The following PRPH2 variants were observed in gnomAD, a reference collection of about 807,000 sequenced individuals.
PRPH2 encodes peripherin 2.
A neutral mutation model predicts 31.3 loss-of-function variants in PRPH2; 17 were observed. That is an observed-to-expected ratio of 0.54 (90% CI 0.37 to 0.81). The LOEUF is 0.81. Among genes scored for constraint, PRPH2 ranks in the 40% least tolerant of loss-of-function variants. The pLI is 0.00. For missense variants in PRPH2, 430 were observed against 439.7 expected, an observed-to-expected ratio of 0.98 and a Z score of 0.20; for synonymous variants, 165 against 184.4, an observed-to-expected ratio of 0.89 and a Z score of 0.85.
intron 1 of PRPH2, chr6:42,712,030 T>G: frequency 5.3e-6 from 5 of 947,818 alleles, no homozygotes; most frequent in Non-Finnish European, 6.3e-6. Context: ...GTAGGAAATG[T>G]TCTTGCCACA....
At chr6:42,703,811 A>C (rs941228043) in intron 2 of PRPH2, among the ~76,000 whole-genome samples, 3 of 152,200 alleles carry the variant, frequency 2.0e-5, no homozygotes, top group African/African-American at 4.8e-5. Context: ...TCAATTAAAA[A>C]AACAATTGTC....
Position 42,698,352 on chromosome 6 carries a change from C to A in PRPH2, c.984G>T (p.Lys328Asn). The A allele has an allele frequency of 6.2e-7, 1 of 1,613,900 alleles. No homozygotes were observed. The highest frequency in any genetic ancestry group is 8.5e-7 in the Non-Finnish European group (1 of 1,179,818). Residue 328 changes from lysine (K) to asparagine (N), a missense_variant, in exon 3 of 3, where the codon AAG becomes AAT. Lys to Asn is a moderately conservative substitution (Grantham distance 94). Coordinates refer to ENST00000230381, the MANE Select transcript of PRPH2 (RefSeq NM_000322.5). ...CGCCCTCGGCTTCCACCTGGTTGCC[C>A]TTGCCCAGCTTCTTCACACTCTCCA... ...AFLESVKKLG[K>N]GNQVEAEGAD...
At chr6:42,711,933 C>T in intron 1 of PRPH2, 2 of 985,426 alleles carry the variant, frequency 2.0e-6, no homozygotes, top group Middle Eastern at 1.0e-3. Flanking sequence ...TCTGCTCATC[C>T]TGCAACCTTT....
At position 42,698,739 on chromosome 6, in the gene PRPH2, C is replaced by T. The variant is rs951048825; in HGVS notation, c.829-232G>A. Among the ~76,000 whole-genome samples, 5 of 152,156 alleles carry T rather than the reference C, an allele frequency of 3.3e-5. No individual in the cohort carries two copies. The East Asian group carries it at 9.7e-4, about 29-fold the overall frequency. ...CTCTCCTCCTCCCTTTCCAGCCATC[C>T]TGGGCTGCTTCGGATTCGCCCATGC... On this transcript the variant is annotated intron_variant, in intron 2 of 2. Coordinates refer to ENST00000230381, the MANE Select transcript of PRPH2 (RefSeq NM_000322.5).
In PRPH2 at chr6:42,722,073, G is replaced by T; in HGVS notation, c.262C>A (p.Pro88Thr). ...AGKICYDALD[P>T]AKYARWKPWL... Reference sequence around the variant, plus strand: ...GGCTTCCATCTGGCATACTTGGCTGGGTCCAGGGCGTCGTAGCAGATCTTC... The same window carrying T: ...GGCTTCCATCTGGCATACTTGGCTGTGTCCAGGGCGTCGTAGCAGATCTTC... The change falls in exon 1 of 3, where the codon CCA (proline) becomes ACA (threonine). Residue 88 changes from proline (P) to threonine (T), a missense_variant. By Grantham distance (38) the Pro-to-Thr change is conservative (BLOSUM62 -1). Coordinates refer to ENST00000230381, the MANE Select transcript of PRPH2 (RefSeq NM_000322.5). The surrounding 1 kb of genome is among the most constrained non-coding windows in gnomAD (Gnocchi z 4.4). 6.2e-7 allele frequency: 1 copy of T among 1,614,128 alleles called. No individual in the cohort carries two copies. Among genetic ancestry groups the T allele is most frequent in the Non-Finnish European group, 8.5e-7 (1 of 1,180,024 alleles).
At chr6:42,715,874 C>T (rs1761768002) in intron 1 of PRPH2, among the ~76,000 whole-genome samples, 1 of 152,088 alleles carries the variant, frequency 6.6e-6, no homozygotes, top group Admixed American at 6.6e-5. Flanking sequence ...TTCTGGGGGG[C>T]CCCAAGGAGG....
At chr6:42,713,469 AAT>A (rs1761715962) in intron 1 of PRPH2, among the ~76,000 whole-genome samples, 1 of 152,092 alleles carries the variant, frequency 6.6e-6, no homozygotes, top group African/African-American at 2.4e-5. Flanking sequence ...CAGAGCCCGG[AAT>A]GGTGTTTCTA....
At chr6:42,704,651 C>G in intron 1 of PRPH2, 40 bp from the exon 2 acceptor site, 1 of 1,614,084 alleles carries the variant, frequency 6.2e-7, no homozygotes, top group Non-Finnish European at 8.5e-7. Context: ...GCTTCCCGGG[C>G]TTCTCAACAG....
Position 42,698,167 on chromosome 6 carries a change from G to A in PRPH2, c.*128C>T, listed in dbSNP as rs1329068643. 1.5e-5 allele frequency: 19 copies of A among 1,297,024 alleles called. No individual in the cohort carries two copies. The highest frequency in any genetic ancestry group is 3.0e-5 in the African/African-American group (2 of 67,706). 80.3% of individuals were successfully genotyped at this position (1,297,024 alleles called of 1,614,324 possible). ...ACCCTAAACTTAAATTCCACCGTCA[G>A]GGAGAGTCTCTGTAAGATGGTGCCC... is the stretch of plus-strand genomic sequence containing the variant. On this transcript the variant is annotated 3_prime_UTR_variant, in exon 3 of 3. Coordinates refer to ENST00000230381, the MANE Select transcript of PRPH2 (RefSeq NM_000322.5).
At chr6:42,705,599 A>AAAT (rs1562424252) in intron 1 of PRPH2, among the ~76,000 whole-genome samples, 4 of 21,574 alleles carry the variant, frequency 1.9e-4, no homozygotes, top group African/African-American at 5.5e-4. Flanking sequence ...AAAAAAAAAA[A>AAAT]ATATATATAT....
At chr6:42,715,576 C>T (rs999753052) in intron 1 of PRPH2, among the ~76,000 whole-genome samples, 1 of 152,072 alleles carries the variant, frequency 6.6e-6, no homozygotes, top group Non-Finnish European at 1.5e-5. Flanking sequence ...GTGGCTGAGG[C>T]AGGAGAATCT....
At chr6:42,708,645 T>A (rs1800216911) in intron 1 of PRPH2, among the ~76,000 whole-genome samples, 1 of 152,188 alleles carries the variant, frequency 6.6e-6, no homozygotes, top group South Asian at 2.1e-4. Context: ...ATGCTGTCTG[T>A]CCCACCTCCT....
At chr6:42,715,282 T>G (rs1010624930) in intron 1 of PRPH2, among the ~76,000 whole-genome samples, 2 of 152,082 alleles carry the variant, frequency 1.3e-5, no homozygotes, top group African/African-American at 4.8e-5. Context: ...TTGTGCAGGA[T>G]AAATGTGGGT....
At chr6:42,698,758 C>T (rs1469402909) in intron 2 of PRPH2, among the ~76,000 whole-genome samples, 3 of 152,100 alleles carry the variant, frequency 2.0e-5, no homozygotes, top group Non-Finnish European at 4.4e-5. Flanking sequence ...TTCGGATTCG[C>T]CCATGCCCCC....
At chr6:42,718,525 T>G (rs1178339236) in intron 1 of PRPH2, among the ~76,000 whole-genome samples, 1 of 152,090 alleles carries the variant, frequency 6.6e-6, no homozygotes, top group Non-Finnish European at 1.5e-5. Context: ...AAAGTCTCTC[T>G]GCAAAGGTGG....
At chr6:42,710,716 T>C (rs1011912952) in intron 1 of PRPH2, among the ~76,000 whole-genome samples, 2 of 152,124 alleles carry the variant, frequency 1.3e-5, no homozygotes, top group African/African-American at 4.8e-5. Context: ...CACTCTCCCA[T>C]AAGCAAGGCA....
Position 42,704,563 on chromosome 6 carries a change from A to T in PRPH2, c.630T>A (p.Pro210=), listed in dbSNP as rs760803268. The change falls in exon 2 of 3, where the codon CCT becomes CCA. Residue 210 remains proline (P), a synonymous_variant. Transcript: ENST00000230381. ...VDGRYLVDGV[P]FSCCNPSSPR... ...GCGAGCTAGGATTGCAGCAGCTGAA[A>T]GGGACGCCGTCCACCAGGTACCGCC... 25 of 1,614,074 alleles carry T rather than the reference A, an allele frequency of 1.5e-5. No individual in the cohort carries two copies. The highest frequency in any genetic ancestry group is 1.8e-5 in the Non-Finnish European group (21 of 1,180,038).
chr6:42,717,017 G>C (rs1761800916), intron 1 of PRPH2, among the ~76,000 whole-genome samples: 1 of 115,950 alleles, frequency 8.6e-6, no homozygotes, highest in Non-Finnish European at 1.6e-5. Flanking sequence ...GTGTTGCCCA[G>C]GCTGGTCTTG....
Position 42,704,443 on chromosome 6 carries a change from G to A in PRPH2, c.750C>T (p.Cys250=). ...TEELNLWVRG[C]RAALLSYYSS... is the part of the protein sequence containing the mutation. ...TGTAGTAGCTCAGCAGGGCAGCCCT[G>A]CAGCCACGCACCCACAGGTTGAGCT... Residue 250 remains cysteine, a synonymous_variant, in exon 2 of 3, where the codon TGC becomes TGT. Transcript: ENST00000230381. 2 of 1,612,442 alleles carry A rather than the reference G, an allele frequency of 1.2e-6. No individual in the cohort carries two copies. The highest frequency in any genetic ancestry group is 2.2e-5 in the East Asian group (1 of 44,834).
Sources: gnomAD v4.1 joint callset for allele counts (sites outside exome capture counted in the v4.1 genomes callset) on GRCh38, gnomAD v4.1.1 for gene constraint, Gnocchi (gnomAD v3.1) non-coding constraint, MANE v1.5 for transcripts, NCBI Gene and HGNC (gene_info 2026-07-23, HGNC 2026-07-21) for gene names.